MAP2K5: variants seen among roughly 807,000 people sequenced by gnomAD.
The protein encoded by MAP2K5 is dual specificity mitogen-activated protein kinase kinase 5.
Under a neutral mutation model 83.1 loss-of-function variants are expected in MAP2K5, and 49 were observed. The ratio of observed to expected loss-of-function variants is 0.59; its 90% CI spans 0.47 to 0.75. The LOEUF (loss-of-function observed/expected upper bound fraction) is 0.75. Ranked by LOEUF, MAP2K5 falls within the 30% of genes least tolerant of loss-of-function variation. The probability of loss-of-function intolerance (pLI) is 0.00; values close to 1 mark genes in which losing one functional copy is unlikely to be tolerated. For missense variants in MAP2K5, 457 were observed against 557.5 expected, an observed-to-expected ratio of 0.82 and a Z score of 1.82; for synonymous variants, 202 against 191.8, an observed-to-expected ratio of 1.05 and a Z score of -0.44.
Position 67,555,178 on chromosome 15 carries a change from A to G in MAP2K5, c.184+5096A>G, listed in dbSNP as rs551869210. 6.6e-6 allele frequency among the ~76,000 whole-genome samples: 1 copy of G among 152,326 alleles called. No individual in the cohort carries two copies. Among genetic ancestry groups the G allele is most frequent in the Non-Finnish European group, 1.5e-5 (1 of 68,030 alleles). ...CATTACATCTAGAGCTCACAGTTCT[A>G]CAGGCTGTACAAGCATGGCACTAGC... On this transcript the variant is annotated intron_variant, in intron 2 of 21. Transcript: ENST00000178640. This position sits in a 1 kb window ranked among gnomAD's most constrained non-coding sequence, Gnocchi z 5.2.
At chr15:67,700,288 T>A (rs1001674281) in intron 15 of MAP2K5, among the ~76,000 whole-genome samples, 9 of 152,200 alleles carry the variant, frequency 5.9e-5, no homozygotes, top group Non-Finnish European at 1.2e-4. Flanking sequence ...ACTTATTAGA[T>A]CATCACTACT....
At chr15:67,661,622 A>G (rs1169222787) in intron 12 of MAP2K5, among the ~76,000 whole-genome samples, 2 of 152,186 alleles carry the variant, frequency 1.3e-5, no homozygotes, top group Non-Finnish European at 2.9e-5. Context: ...CTCTAACAAA[A>G]TGAATAATTT....
In MAP2K5 at chr15:67,609,650, T is replaced by A. The variant is rs28535070; in HGVS notation, c.545+8901T>A. Among the ~76,000 whole-genome samples the A allele has an allele frequency of 2.4e-4, 24 of 100,510 alleles. 2 individuals carry two copies. The highest frequency in any genetic ancestry group is 1.5e-3 in the South Asian group (4 of 2,582). The allele number at this position is 100,510 out of a possible 152,430, so 65.9% of individuals were successfully genotyped here. ...TAGACCTATTCTATAGGTCTGTAGA[T>A]TCTGTAGACCTATTCTATAGGTCTG... On this transcript the variant is annotated intron_variant, in intron 8 of 21. Transcript: ENST00000178640.
intron 8 of MAP2K5, among the ~76,000 whole-genome samples, chr15:67,621,534 G>A (rs1380023473): frequency 1.3e-5 from 2 of 149,314 alleles, no homozygotes; most frequent in Non-Finnish European, 3.0e-5. Flanking sequence ...ATAAAATATA[G>A]CAGTGAGAAG....
rs61558595 is a variant in MAP2K5 at position 67,769,107 on chromosome 15, T to TAAA, written c.1135-485_1135-483dup. On this transcript the variant is annotated intron_variant, in intron 19 of 21. Transcript: ENST00000178640. This position sits in a 1 kb window ranked among gnomAD's most constrained non-coding sequence, Gnocchi z 5.2. ...CCCTATAAAAGCCTTTCTATTAAAG[T>TAAA]AAAAAAAAAAAATTGATCCAAATTA... 2.0e-5 allele frequency among the ~76,000 whole-genome samples: 3 copies of TAAA among 149,010 alleles called. No individual in the cohort carries two copies. Among genetic ancestry groups the TAAA allele is most frequent in the Non-Finnish European group, 1.5e-5 (1 of 67,124 alleles).
intron 19 of MAP2K5, among the ~76,000 whole-genome samples, chr15:67,761,760 T>C (rs12708496): frequency 0.62 from 94,303 of 151,966 alleles, 29,967 homozygotes; most frequent in Non-Finnish European, 0.68. Flanking sequence ...TTTTTTTTCA[T>C]TTAGGCACCT....
rs2088777375 is a variant in MAP2K5, at chr15:67,714,413, G to GAAAAAAAAAAAAAAA, written c.1044+11005_1044+11006insAAAAAAAAAAAAAAA. ...CCCCCCACCCCTACCCAGCTGCCAG[G>GAAAAAAAAAAAAAAA]GAAAAAAAAAAAAAAAAAAAAAAAA... On this transcript the variant is annotated intron_variant, in intron 16 of 21. Transcript: ENST00000178640. Among the ~76,000 whole-genome samples, 6 of 42,692 alleles carry GAAAAAAAAAAAAAAA rather than the reference G, an allele frequency of 1.4e-4. 3 individuals are homozygous for GAAAAAAAAAAAAAAA. Among genetic ancestry groups the GAAAAAAAAAAAAAAA allele is most frequent in the African/African-American group, 4.7e-4 (6 of 12,744 alleles). 28.0% of individuals were successfully genotyped at this position (42,692 alleles called of 152,430 possible).
chr15:67,601,836 C>T (rs2141027934), intron 8 of MAP2K5, among the ~76,000 whole-genome samples: 1 of 152,290 alleles, frequency 6.6e-6, no homozygotes, highest in East Asian at 1.9e-4. Context: ...TAATCTGATC[C>T]AGTCACCCAT....
At position 67,580,753 on chromosome 15, in the gene MAP2K5, G is replaced by C. The variant is rs1245212039; in HGVS notation, c.253-1G>C. 1 of 1,573,996 alleles carries C rather than the reference G, an allele frequency of 6.4e-7. No individual in the cohort carries two copies. Among genetic ancestry groups the C allele is most frequent in the Non-Finnish European group, 8.7e-7 (1 of 1,145,034 alleles). Reference sequence around the variant, plus strand: ...GATCTCTTTCTATAATCTCTTTGCAGTATTATTCCACAGTAATGGAACAGC... The same window carrying C: ...GATCTCTTTCTATAATCTCTTTGCACTATTATTCCACAGTAATGGAACAGC... On this transcript the variant is annotated splice_acceptor_variant, in intron 3 of 21. Transcript: ENST00000178640. LOFTEE classifies it high-confidence loss of function.
At position 67,636,950 on chromosome 15, in the gene MAP2K5, G is replaced by A. The variant is rs1416294783; in HGVS notation, c.585+6023G>A. On this transcript the variant is annotated intron_variant, in intron 9 of 21. Transcript: ENST00000178640. The surrounding 1 kb of genome is among the most constrained non-coding windows in gnomAD (Gnocchi z 4.7). ...AGCTGCCAGTGTGGCTAGGATAAAA[G>A]CAGGCAGAAGTTGGAAGGACTTGAC... Among the ~76,000 whole-genome samples, 5 of 152,312 alleles carry A rather than the reference G, an allele frequency of 3.3e-5. No individual in the cohort carries two copies. The highest frequency in any genetic ancestry group is 3.4e-3 in the Middle Eastern group (1 of 294).
Position 67,542,800 on chromosome 15 carries a change from G to A in MAP2K5, c.-536G>A. 1 of 153,876 alleles carries A rather than the reference G, an allele frequency of 6.5e-6. No homozygotes were observed. The highest frequency in any genetic ancestry group is 1.5e-5 in the Non-Finnish European group (1 of 68,838). 9.5% of individuals were successfully genotyped at this position (153,876 alleles called of 1,614,324 possible). ...GGTGGCCGGAGCTCAGCCTGCGCGC[G>A]CCGCGCCCTGTGTCTCCGGGTGGGG... On this transcript the variant is annotated 5_prime_UTR_variant, in exon 1 of 22. Transcript: ENST00000178640.
At chr15:67,629,411 C>T (rs554597367) in intron 8 of MAP2K5, among the ~76,000 whole-genome samples, 10 of 150,800 alleles carry the variant, frequency 6.6e-5, no homozygotes, top group Admixed American at 2.0e-4. Flanking sequence ...TTTTTTGCAC[C>T]ATGCTGTTGA....
At chr15:67,548,220 AG>A (rs1240765606) in intron 1 of MAP2K5, among the ~76,000 whole-genome samples, 1 of 152,244 alleles carries the variant, frequency 6.6e-6, no homozygotes, top group Non-Finnish European at 1.5e-5. Flanking sequence ...TCACATCTCA[AG>A]ATCGGAGTTT....
chr15:67,727,773 G>C (rs1158546887), intron 16 of MAP2K5, 143 bp from the exon 17 acceptor site: 3 of 735,780 alleles, frequency 4.1e-6, no homozygotes, highest in Non-Finnish European at 7.4e-6. Flanking sequence ...TGTAATTACA[G>C]CAATAATTTA....
rs949202346 is a variant in MAP2K5, at chr15:67,778,257, A to G, written c.1242+5505A>G. ...AACCTGATTGTAATTACATTTTCAGATAGTATGGTTGGTTGTTCTCTCAAT... is the reference window on the plus strand; with the variant it reads ...AACCTGATTGTAATTACATTTTCAGGTAGTATGGTTGGTTGTTCTCTCAAT... On this transcript the variant is annotated intron_variant, in intron 21 of 21. Transcript: ENST00000178640. This position sits in a 1 kb window ranked among gnomAD's most constrained non-coding sequence, Gnocchi z 5.0. Among the ~76,000 whole-genome samples, 2 of 152,190 alleles carry G rather than the reference A, an allele frequency of 1.3e-5. No homozygotes were observed. The highest frequency in any genetic ancestry group is 2.4e-5 in the African/African-American group (1 of 41,432).
Position 67,778,408 on chromosome 15 carries a change from G to T in MAP2K5, c.1242+5656G>T, listed in dbSNP as rs73427991. Among the ~76,000 whole-genome samples the T allele has an allele frequency of 6.6e-6, 1 of 152,136 alleles. No individual in the cohort carries two copies. The highest frequency in any genetic ancestry group is 1.9e-4 in the East Asian group (1 of 5,206). ...GTGACTTTGGGCTTCACACCAAATG[G>T]CTTTGTTTCATTGTTAGACCCAAAT... On this transcript the variant is annotated intron_variant, in intron 21 of 21. Coordinates refer to ENST00000178640, the MANE Select transcript of MAP2K5 (RefSeq NM_145160.3). The surrounding 1 kb of genome is among the most constrained non-coding windows in gnomAD (Gnocchi z 5.0).
rs74813999 is a variant in MAP2K5, at chr15:67,693,160, G to A, written c.922-358G>A. 7.2e-5 allele frequency among the ~76,000 whole-genome samples: 11 copies of A among 152,304 alleles called. No homozygotes were observed. In the East Asian group the frequency reaches 2.1e-3, roughly 29 times the overall value. Reference sequence around the variant, plus strand: ...TCATTTCATTCTAGTAATGCATGGGGCTTCATTCACATCTTGAGCCATCTG... The same window carrying A: ...TCATTTCATTCTAGTAATGCATGGGACTTCATTCACATCTTGAGCCATCTG... On this transcript the variant is annotated intron_variant, in intron 14 of 21. Coordinates refer to ENST00000178640, the MANE Select transcript of MAP2K5 (RefSeq NM_145160.3).
chr15:67,651,736 A>G (rs1468185991), intron 11 of MAP2K5, among the ~76,000 whole-genome samples: 5 of 152,032 alleles, frequency 3.3e-5, no homozygotes. Context: ...TATGTACCAC[A>G]TTTTCTTTAT....
intron 15 of MAP2K5, among the ~76,000 whole-genome samples, chr15:67,695,163 G>T (rs1323660725): frequency 6.6e-6 from 1 of 151,572 alleles, no homozygotes; most frequent in Non-Finnish European, 1.5e-5. Flanking sequence ...AATGCTAGAT[G>T]ACGAGTTAGT....
Sources: allele counts gnomAD v4.1 joint callset (sites outside exome capture counted in the v4.1 genomes callset), GRCh38; gene constraint gnomAD v4.1.1; non-coding constraint Gnocchi (gnomAD v3.1); transcripts MANE v1.5; gene names NCBI Gene and HGNC (gene_info 2026-07-23, HGNC 2026-07-21).